Variants in MED6 observed in about 807,000 individuals in gnomAD.
MED6 encodes the protein mediator of RNA polymerase II transcription subunit 6.
In MED6, 33 loss-of-function variants were observed where a neutral mutation model predicts 37.5. That is an observed-to-expected ratio of 0.88 (90% confidence interval 0.67 to 1.18). The LOEUF is 1.18. Among genes scored for constraint, MED6 ranks in the 50% most tolerant of loss-of-function variants. The pLI is 0.00. For synonymous variants in MED6, 94 were observed against 93.6 expected (o/e 1.00, Z -0.02); for missense variants, 235 against 290.6 (o/e 0.81, Z 1.39).
intron 6 of MED6, among the ~76,000 whole-genome samples, chr14:70,588,180 G>T (rs1442555718): frequency 1.3e-5 from 2 of 152,168 alleles, no homozygotes; most frequent in African/African-American, 2.4e-5. Flanking sequence ...AAAGCAAAAA[G>T]ATTATTAATA....
At chr14:70,594,592 C>T in intron 3 of MED6, 2 of 419,090 alleles carry the variant, frequency 4.8e-6, no homozygotes, top group Non-Finnish European at 9.3e-6. Context: ...AACTACTGGT[C>T]CCTGGGCTCC....
Position 70,591,260 on chromosome 14 carries a change from C to T in MED6, c.582+6G>A, listed in dbSNP as rs752905305. ...AATCAAGATTAACCACACATATTCTCATTACCTGCACAAATTTGGGTGGAA... is the reference window on the plus strand; with the variant it reads ...AATCAAGATTAACCACACATATTCTTATTACCTGCACAAATTTGGGTGGAA... On this transcript the variant is annotated splice_donor_region_variant and intron_variant, in intron 6 of 7. Transcript: ENST00000256379. The T allele has an allele frequency of 1.2e-6, 2 of 1,600,478 alleles. No homozygotes were observed. Among genetic ancestry groups the T allele is most frequent in the South Asian group, 2.2e-5 (2 of 90,064 alleles).
chr14:70,598,220 G>T (rs1885101518), intron 1 of MED6, among the ~76,000 whole-genome samples: 1 of 152,110 alleles, frequency 6.6e-6, no homozygotes, highest in Non-Finnish European at 1.5e-5. Flanking sequence ...CTTGCACCCA[G>T]AAGGTCTCGG....
chr14:70,591,156 T>C (rs1386353678), intron 6 of MED6, 110 bp downstream of exon 6: 6 of 800,750 alleles, frequency 7.5e-6, no homozygotes, highest in Non-Finnish European at 1.2e-5. Flanking sequence ...TTTTAACTAA[T>C]GAGGAAAATT....
At chr14:70,590,669 TCTACTA>T in intron 6 of MED6, among the ~76,000 whole-genome samples, 1 of 152,302 alleles carries the variant, frequency 6.6e-6, no homozygotes, top group East Asian at 1.9e-4. Flanking sequence ...CCATTCCATA[TCTACTA>T]GACTCCAAAA....
chr14:70,594,862 G>A, intron 3 of MED6: 1 of 668,386 alleles, frequency 1.5e-6, no homozygotes, highest in Non-Finnish European at 2.7e-6. Context: ...GAGGAGCCTG[G>A]AGACCGAGAA....
intron 5 of MED6, among the ~76,000 whole-genome samples, chr14:70,592,348 CAA>C (rs1319380400): frequency 6.6e-6 from 1 of 152,106 alleles, no homozygotes; most frequent in Non-Finnish European, 1.5e-5. Context: ...CTCTAAAAAG[CAA>C]TCTCTCTCAT....
At chr14:70,595,129 G>T in intron 3 of MED6, 2 of 462,320 alleles carry the variant, frequency 4.3e-6, no homozygotes, top group Non-Finnish European at 8.2e-6. Flanking sequence ...TGACACCAGT[G>T]TCACTCGGCT....
chr14:70,590,478 G>A (rs528654141), intron 6 of MED6, among the ~76,000 whole-genome samples: 3 of 152,260 alleles, frequency 2.0e-5, no homozygotes, highest in African/African-American at 7.2e-5. Context: ...CAGAGTCAGG[G>A]AAGAGAAAAG....
intron 4 of MED6, 46 bp downstream of exon 4, chr14:70,593,250 T>A (rs377005286): frequency 2.0e-6 from 3 of 1,495,464 alleles, no homozygotes; most frequent in Admixed American, 1.7e-5. Context: ...GCAAGGTAGC[T>A]AATTAAAAGT....
intron 3 of MED6, chr14:70,595,224 C>G: frequency 3.7e-6 from 2 of 542,082 alleles, no homozygotes; most frequent in Non-Finnish European, 7.3e-6. Flanking sequence ...CAAGCCCAGA[C>G]TGCCAGCTCT....
chr14:70,597,332 T>TA (rs1258550618), intron 2 of MED6, among the ~76,000 whole-genome samples: 8 of 152,188 alleles, frequency 5.3e-5, no homozygotes, highest in Non-Finnish European at 8.8e-5. Context: ...AGACAATAAT[T>TA]ATAGTTGCCT....
At chr14:70,600,427 TC>T (rs1168396916) in intron 1 of MED6, among the ~76,000 whole-genome samples, 188 bp downstream of exon 1, 5 of 138,422 alleles carry the variant, frequency 3.6e-5, no homozygotes, top group African/African-American at 1.5e-4. Context: ...CAAGAGACGC[TC>T]CAAGAACTCA....
chr14:70,593,306 T>G lies in MED6; in HGVS notation c.347A>C (p.Asn116Thr). 6.2e-7 allele frequency: 1 copy of G among 1,613,248 alleles called. No homozygotes were observed. Among genetic ancestry groups the G allele is most frequent in the East Asian group, 2.2e-5 (1 of 44,838 alleles). The change falls in exon 4 of 8, where the codon AAC (asparagine) becomes ACC (threonine). Residue 116 changes from asparagine to threonine, a missense_variant. Coordinates refer to ENST00000256379, the MANE Select transcript of MED6 (RefSeq NM_005466.4). ...TGTGAAGACACTTACCACTCTAGAG[T>G]TTATAACTGATCCCAAGTCTGGTGC... ...YQAPDLGSVI[N>T]SRVLTAVHGI...
chr14:70,593,242 A>C, intron 4 of MED6, 54 bp downstream of exon 4: 3 of 1,446,504 alleles, frequency 2.1e-6, no homozygotes, highest in Non-Finnish European at 1.9e-6. Context: ...TACTGGAAGC[A>C]AGGTAGCTAA....
intron 6 of MED6, among the ~76,000 whole-genome samples, chr14:70,589,486 A>G (rs1455283759): frequency 6.6e-6 from 1 of 152,240 alleles, no homozygotes; most frequent in Non-Finnish European, 1.5e-5. Context: ...AGTCACTTGA[A>G]GATGAGATAG....
intron 5 of MED6, 41 bp from the exon 6 acceptor site, chr14:70,591,422 A>G (rs1400956029): frequency 6.8e-7 from 1 of 1,470,548 alleles, no homozygotes; most frequent in Non-Finnish European, 9.4e-7. Context: ...TTGCCTACTT[A>G]GTTTGGTGTC....
At chr14:70,590,665 C>T (rs1884841785) in intron 6 of MED6, among the ~76,000 whole-genome samples, 1 of 152,142 alleles carries the variant, frequency 6.6e-6, no homozygotes, top group Admixed American at 6.5e-5. Flanking sequence ...TATTCCATTC[C>T]ATATCTACTA....
intron 3 of MED6, among the ~76,000 whole-genome samples, chr14:70,595,976 T>C (rs1435192938): frequency 6.6e-6 from 1 of 152,132 alleles, no homozygotes; most frequent in Admixed American, 6.5e-5. Context: ...ATGCAGTGAG[T>C]CGCTCTGACT....
Sources: gnomAD v4.1 joint callset for allele counts (sites outside exome capture counted in the v4.1 genomes callset) on GRCh38, gnomAD v4.1.1 for gene constraint, MANE v1.5 for transcripts, NCBI Gene and HGNC (gene_info 2026-07-23, HGNC 2026-07-21) for gene names.